Variants in PAQR3 observed in about 807,000 individuals in gnomAD.
PAQR3 encodes progestin and adipoQ receptor family member 3.
A neutral mutation model predicts 41.7 loss-of-function variants in PAQR3; 39 were observed. That is an observed-to-expected ratio of 0.93 (90% CI 0.72 to 1.22). PAQR3 has a LOEUF of 1.22. Among genes scored for constraint, PAQR3 ranks in the 50% most tolerant of loss-of-function variants. The pLI is 0.00. For missense variants in PAQR3, 366 were observed against 385.6 expected (o/e 0.95, Z 0.42); for synonymous variants, 140 against 140.6 (o/e 1.00, Z 0.03).
rs907572036 is a variant in PAQR3, at chr4:78,913,289, G to A, written c.*7250C>T. 1 of 152,092 alleles carries A rather than the reference G, an allele frequency of 6.6e-6. No homozygotes were observed. Among genetic ancestry groups the A allele is most frequent in the Non-Finnish European group, 1.5e-5 (1 of 67,984 alleles). The allele number at this position is 152,092 out of a possible 1,614,324, so 9.4% of individuals were successfully genotyped here. ...TAAGGTGGACTAGCATCTTAATTCT[G>A]CTAGTTGATTGTGTCTTTACTGAAA... On this transcript the variant is annotated 3_prime_UTR_variant, in exon 6 of 6. Coordinates refer to ENST00000512733, the MANE Select transcript of PAQR3 (RefSeq NM_001040202.2).
Position 78,939,177 on chromosome 4 carries a change from G to A in PAQR3, c.48C>T (p.Ser16=), listed in dbSNP as rs1396765167. 5.0e-6 allele frequency: 8 copies of A among 1,611,646 alleles called. No homozygotes were observed. The highest frequency in any genetic ancestry group is 6.8e-6 in the Non-Finnish European group (8 of 1,178,994). The change falls in exon 1 of 6, where the codon AGC becomes AGT. Residue 16 remains serine (S), a synonymous_variant. Coordinates refer to ENST00000512733, the MANE Select transcript of PAQR3 (RefSeq NM_001040202.2). ...GCACCAGGACCGGCCAGTACTGGTA[G>A]CTGCCCAGCTCGATGTAATGCGCGC... ...LKSAHYIELG[S]YQYWPVLVPR... is the part of the protein sequence containing the mutation.
chr4:78,936,373 A>T (rs989514489), intron 1 of PAQR3, among the ~76,000 whole-genome samples: 4 of 152,250 alleles, frequency 2.6e-5, no homozygotes, highest in Admixed American at 6.5e-5. Context: ...AATTTGTAGC[A>T]GTCACTGTGG....
chr4:78,906,329 A>C (rs182818453), intron 10 of PAQR3, among the ~76,000 whole-genome samples: 1 of 152,210 alleles, frequency 6.6e-6, no homozygotes, highest in East Asian at 1.9e-4. Flanking sequence ...AATTTGGATA[A>C]ATATTTTTGA....
chr4:78,935,257 A>C lies in PAQR3; in HGVS notation c.212T>G (p.Val71Gly). 6.2e-7 allele frequency: 1 copy of C among 1,612,898 alleles called. No homozygotes were observed. Residue 71 changes from valine (V) to glycine (G), a missense_variant, in exon 2 of 6, where the codon GTA (valine) becomes GGA (glycine). Transcript: ENST00000512733. ...KSLFILSNETVNIWSHLLGFF... is the reference protein window; with the variant it reads ...KSLFILSNETGNIWSHLLGFF... ...ACCCAGCAAATGACTCCAGATGTTT[A>C]CTGTCTCATTAGATAAAATAAACAA...
At position 78,939,148 on chromosome 4, in the gene PAQR3, C is replaced by A; in HGVS notation, c.77G>T (p.Arg26Leu). 6.2e-7 allele frequency: 1 copy of A among 1,613,620 alleles called. No individual in the cohort carries two copies. The highest frequency in any genetic ancestry group is 8.5e-7 in the Non-Finnish European group (1 of 1,179,780). ...CTCGTAGGTGTACAGGCGGATGCCA[C>A]GGGGCACCAGGACCGGCCAGTACTG... is the stretch of plus-strand genomic sequence containing the variant. ...SYQYWPVLVP[R>L]GIRLYTYEQI... The change falls in exon 1 of 6, where the codon CGT becomes CTT. Residue 26 changes from arginine to leucine, a missense_variant. Transcript: ENST00000512733.
chr4:78,910,927 G>A (rs1248121952), downstream of PAQR3: 1 of 1,613,798 alleles, frequency 6.2e-7, no homozygotes, highest in South Asian at 1.1e-5. Context: ...TTCTGAAGAT[G>A]AGGAAGAAGA....
rs536463280 is a variant in PAQR3 at position 78,931,274 on chromosome 4, C to T, written c.349-949G>A. Among the ~76,000 whole-genome samples the T allele has an allele frequency of 1.9e-4, 29 of 150,284 alleles. 1 individual carries two copies. In the South Asian group the frequency reaches 6.2e-3, roughly 32 times the overall value. On this transcript the variant is annotated intron_variant, in intron 2 of 5. Coordinates refer to ENST00000512733, the MANE Select transcript of PAQR3 (RefSeq NM_001040202.2). The stretch of plus-strand genomic sequence containing the variant: ...TTGGGAGGCTAAGGCAGGAGGATTA[C>T]TTGAGCTTGGGAGATCGAGGCTGCA...
At chr4:78,922,300 CAAAG>C (rs1735733451) in intron 5 of PAQR3, 2 of 1,278,466 alleles carry the variant, frequency 1.6e-6, no homozygotes, top group South Asian at 1.3e-5. Flanking sequence ...ACCAAGTACA[CAAAG>C]GAATGCCTGA....
At chr4:78,903,320 T>C (rs1241530941) in intron 11 of PAQR3, among the ~76,000 whole-genome samples, 3 of 152,070 alleles carry the variant, frequency 2.0e-5, no homozygotes, top group African/African-American at 7.2e-5. Flanking sequence ...AGAGTCAGAT[T>C]AGCATGTTTC....
intron 11 of PAQR3, among the ~76,000 whole-genome samples, chr4:78,897,322 T>C (rs972011813): frequency 5.3e-5 from 8 of 152,114 alleles, no homozygotes; most frequent in Non-Finnish European, 1.2e-4. Context: ...GTGCCCTAAA[T>C]ATCCAATATT....
At chr4:78,931,533 C>T (rs748425257) in intron 2 of PAQR3, among the ~76,000 whole-genome samples, 1 of 152,204 alleles carries the variant, frequency 6.6e-6, no homozygotes, top group Admixed American at 6.5e-5. Context: ...TGCCTTTCAG[C>T]TATTAAGTAC....
chr4:78,905,778 C>A (rs1453861816), intron 11 of PAQR3, among the ~76,000 whole-genome samples: 1 of 151,850 alleles, frequency 6.6e-6, no homozygotes, highest in Non-Finnish European at 1.5e-5. Context: ...TAGTGGGAAT[C>A]TGGCCCCAGA....
intron 2 of PAQR3, chr4:78,933,105 T>C (rs1282461230): frequency 1.3e-5 from 6 of 452,636 alleles, no homozygotes; most frequent in Non-Finnish European, 1.8e-5. Context: ...TAAGAAAGTG[T>C]GTCTTGCTTC....
At position 78,919,794 on chromosome 4, in the gene PAQR3, G is replaced by A; in HGVS notation, c.*745C>T. The A allele has an allele frequency of 8.1e-6, 8 of 982,948 alleles. No homozygotes were observed. Among genetic ancestry groups the A allele is most frequent in the Non-Finnish European group, 9.7e-6 (8 of 827,786 alleles). The allele number at this position is 982,948 out of a possible 1,614,324, so 60.9% of individuals were successfully genotyped here. On this transcript the variant is annotated 3_prime_UTR_variant, in exon 6 of 6. Transcript: ENST00000512733. ...ATTAAATAATATCTGGAATTAAAAT[G>A]TTTAGGTGGCTAATGACTATATTAT...
Position 78,923,494 on chromosome 4 carries a change from A to G in PAQR3, c.793+363T>C. ...TATTTCTTGCTTTATATATCTCTGC[A>G]TATATAAATTACTTTTAAAGAACCA... On this transcript the variant is annotated intron_variant, in intron 5 of 5. Transcript: ENST00000512733. 7.3e-6 allele frequency: 2 copies of G among 274,080 alleles called. 1 individual carries two copies. Among genetic ancestry groups the G allele is most frequent in the South Asian group, 8.6e-5 (2 of 23,366 alleles). 17.0% of individuals were successfully genotyped at this position (274,080 alleles called of 1,614,324 possible). A position where few individuals can be genotyped will look rare whatever the true frequency, so the allele number is the denominator to read the frequency against.
Position 78,930,294 on chromosome 4 carries a change from A to T in PAQR3, c.380T>A (p.Leu127His). ...VCMLCSVGYH[L>H]FSCHRSEKTC... ...TTTTTCTGACCGATGGCAGGAAAAA[A>T]GATGATAGCCCACAGAGCAAAGCAT... is the stretch of plus-strand genomic sequence containing the variant. The change falls in exon 3 of 6, where the codon CTT (leucine) becomes CAT (histidine). Residue 127 changes from leucine (L) to histidine (H), a missense_variant. By Grantham distance (99) the Leu-to-His change is moderately conservative. Coordinates refer to ENST00000512733, the MANE Select transcript of PAQR3 (RefSeq NM_001040202.2). The T allele has an allele frequency of 6.2e-7, 1 of 1,613,646 alleles. No homozygotes were observed. Among genetic ancestry groups the T allele is most frequent in the Non-Finnish European group, 8.5e-7 (1 of 1,179,848 alleles).
chr4:78,923,928 A>T lies in PAQR3; in HGVS notation c.722T>A (p.Ile241Asn). 2 of 1,613,170 alleles carry T rather than the reference A, an allele frequency of 1.2e-6. No homozygotes were observed. Among genetic ancestry groups the T allele is most frequent in the Non-Finnish European group, 1.7e-6 (2 of 1,179,310 alleles). ...PIVQDFAPRV[I>N]VMYMIALLAF... ...AAGAAGAGCAATCATATACATCACA[A>T]TTACACGGGGTGCAAAGTCCTGAAA... Residue 241 changes from isoleucine (I) to asparagine (N), a missense_variant, in exon 5 of 6, where the codon ATT (isoleucine) becomes AAT (asparagine). Coordinates refer to ENST00000512733, the MANE Select transcript of PAQR3 (RefSeq NM_001040202.2).
chr4:78,927,910 C>T (rs913032199), intron 3 of PAQR3, among the ~76,000 whole-genome samples: 3 of 152,182 alleles, frequency 2.0e-5, no homozygotes, highest in Non-Finnish European at 4.4e-5. Flanking sequence ...CTAGGGTCCA[C>T]AGTTTCCAAT....
Position 78,923,963 on chromosome 4 carries a change from T to G in PAQR3, c.703-16A>C. On this transcript the variant is annotated splice_polypyrimidine_tract_variant and intron_variant, in intron 4 of 5. Transcript: ENST00000512733. ...GTGCAAAGTCCTGAAAAGCAGAACA[T>G]GTTTTTTTACAGATCTTCCTACTGT... 1 of 1,580,982 alleles carries G rather than the reference T, an allele frequency of 6.3e-7. No individual in the cohort carries two copies. The highest frequency in any genetic ancestry group is 8.7e-7 in the Non-Finnish European group (1 of 1,150,564).
Sources: allele counts gnomAD v4.1 joint callset (sites outside exome capture counted in the v4.1 genomes callset), GRCh38; gene constraint gnomAD v4.1.1; transcripts MANE v1.5; gene names NCBI Gene and HGNC (gene_info 2026-07-23, HGNC 2026-07-21).